The following CTNNA2 variants were observed in gnomAD, a reference collection of about 807,000 sequenced individuals.
CTNNA2 encodes catenin alpha-2.
In CTNNA2, 42 loss-of-function variants were observed where a neutral mutation model predicts 101.0. The observed-to-expected ratio is 0.42, with a 90% confidence interval of 0.32 to 0.54. The LOEUF is 0.54. Ranked by LOEUF, CTNNA2 falls within the 20% of genes least tolerant of loss-of-function variation. The pLI is 0.14. For missense variants in CTNNA2, 871 were observed against 1,223.1 expected (o/e 0.71, Z 4.29); for synonymous variants, 450 against 456.4 (o/e 0.99, Z 0.18).
At chr2:79,407,924 G>T (rs1354644618) in intron 4 of CTNNA2, among the ~76,000 whole-genome samples, 3 of 152,026 alleles carry the variant, frequency 2.0e-5, no homozygotes, top group Non-Finnish European at 4.4e-5. Context: ...CATTTGTTAT[G>T]AATCTATTTT....
chr2:80,530,291 A>G (rs940992233), intron 9 of CTNNA2, among the ~76,000 whole-genome samples: 5 of 152,200 alleles, frequency 3.3e-5, no homozygotes, highest in African/African-American at 1.2e-4. Context: ...ATTAGATTTC[A>G]GAGCTGAGCA....
At chr2:79,818,910 C>G (rs943696245) in intron 3 of CTNNA2, among the ~76,000 whole-genome samples, 2 of 143,710 alleles carry the variant, frequency 1.4e-5, no homozygotes, top group African/African-American at 2.6e-5. Context: ...CACACACACA[C>G]ACACACACAC....
intron 9 of CTNNA2, among the ~76,000 whole-genome samples, chr2:80,511,105 T>C (rs1029295939): frequency 6.6e-6 from 1 of 152,202 alleles, no homozygotes; most frequent in African/African-American, 2.4e-5. Flanking sequence ...GGGTATCCAG[T>C]CATTCTCTGG....
chr2:80,223,335 C>T (rs952054615), intron 7 of CTNNA2, among the ~76,000 whole-genome samples: 4 of 152,168 alleles, frequency 2.6e-5, no homozygotes, highest in Non-Finnish European at 5.9e-5. Context: ...TTGCTGGTGG[C>T]GCAATCTCGG....
At chr2:79,585,763 AG>A (rs1395058701) in intron 1 of CTNNA2, among the ~76,000 whole-genome samples, 6 of 148,404 alleles carry the variant, frequency 4.0e-5, no homozygotes, top group Non-Finnish European at 1.5e-5. Flanking sequence ...AACATCCCTT[AG>A]GAGCAATTTT....
chr2:79,918,029 G>A (rs1686379637), intron 7 of CTNNA2, among the ~76,000 whole-genome samples: 1 of 152,120 alleles, frequency 6.6e-6, no homozygotes, highest in Non-Finnish European at 1.5e-5. Flanking sequence ...TTATTCAAGT[G>A]GGGGACTTAG....
chr2:80,322,646 G>C (rs989894419), intron 7 of CTNNA2, among the ~76,000 whole-genome samples: 13 of 152,080 alleles, frequency 8.5e-5, no homozygotes, highest in African/African-American at 1.7e-4. Context: ...CAGCCGCCGC[G>C]TGTGTTGTCA....
At chr2:79,869,071 T>G (rs542297513) in intron 4 of CTNNA2, among the ~76,000 whole-genome samples, 1 of 152,298 alleles carries the variant, frequency 6.6e-6, no homozygotes, top group East Asian at 1.9e-4. Context: ...TTTCAAAACT[T>G]AAATTATTTA....
chr2:80,406,697 G>A (rs999804907), intron 8 of CTNNA2, among the ~76,000 whole-genome samples: 19 of 151,466 alleles, frequency 1.3e-4, no homozygotes, highest in Non-Finnish European at 2.2e-4. Flanking sequence ...TGTGGTGGCG[G>A]GCGCCTGTAG....
chr2:80,493,508 C>T (rs537791480), intron 9 of CTNNA2, among the ~76,000 whole-genome samples: 69 of 152,242 alleles, frequency 4.5e-4, no homozygotes, highest in African/African-American at 1.6e-3. Context: ...ACTTCCCAGC[C>T]AATGGGCTTG....
At chr2:79,323,456 G>T (rs1048343518) in intron 3 of CTNNA2, among the ~76,000 whole-genome samples, 1 of 148,138 alleles carries the variant, frequency 6.8e-6, no homozygotes, top group Non-Finnish European at 1.5e-5. Context: ...AGAAGATAAA[G>T]GTAAATAAGG....
rs10595115 is a variant in CTNNA2 at position 80,149,774 on chromosome 2, TCACACACACACACACACACA to T, written c.1056+240000_1056+240019del. 4.0e-3 allele frequency among the ~76,000 whole-genome samples: 567 copies of T among 143,392 alleles called. 4 individuals are homozygous for T. The highest frequency in any genetic ancestry group is 0.014 in the African/African-American group (543 of 38,624). 94.1% of individuals were successfully genotyped at this position (143,392 alleles called of 152,430 possible). On this transcript the variant is annotated intron_variant, in intron 7 of 18. Transcript: ENST00000402739. ...TCAGGGAATACTCGATTAGAATGGA[TCACACACACACACACACACA>T]CACACACACACACACACACACAGTG...
At chr2:80,529,552 C>T (rs1462367846) in intron 9 of CTNNA2, among the ~76,000 whole-genome samples, 2 of 152,152 alleles carry the variant, frequency 1.3e-5, no homozygotes, top group African/African-American at 2.4e-5. Flanking sequence ...TGTTCTCTCC[C>T]TTTCTCTAGG....
intron 7 of CTNNA2, among the ~76,000 whole-genome samples, chr2:80,279,279 A>G (rs1363783407): frequency 6.6e-6 from 1 of 151,968 alleles, no homozygotes; most frequent in African/African-American, 2.4e-5. Context: ...CTCTGGTGAT[A>G]TAATAGAGAG....
At chr2:79,325,632 C>T (rs1012233965) in intron 3 of CTNNA2, among the ~76,000 whole-genome samples, 13 of 152,194 alleles carry the variant, frequency 8.5e-5, no homozygotes, top group Admixed American at 6.5e-4. Flanking sequence ...CTGCCCAGCA[C>T]ACTCTGTGGC....
intron 2 of CTNNA2, among the ~76,000 whole-genome samples, chr2:79,717,599 A>G (rs1176445926): frequency 3.9e-5 from 6 of 152,222 alleles, no homozygotes; most frequent in Non-Finnish European, 7.3e-5. Flanking sequence ...CCATCTAAAC[A>G]GCAGTGTCTG....
intron 2 of CTNNA2, among the ~76,000 whole-genome samples, chr2:79,200,243 G>C (rs1674017221): frequency 6.6e-6 from 1 of 152,142 alleles, no homozygotes; most frequent in African/African-American, 2.4e-5. Flanking sequence ...AGTCAGCAGG[G>C]CTTGGTGGCG....
intron 1 of CTNNA2, among the ~76,000 whole-genome samples, chr2:79,531,234 A>G (rs1558703950): frequency 7.9e-6 from 1 of 125,972 alleles, no homozygotes. Context: ...ATATATATAT[A>G]TAGCTTGAGG....
chr2:80,636,702 CTATT>C lies in CTNNA2; in HGVS notation c.2575-10877_2575-10874del, dbSNP rs199645412. 4.9e-3 allele frequency among the ~76,000 whole-genome samples: 749 copies of C among 152,218 alleles called. 4 individuals carry two copies. Among genetic ancestry groups the C allele is most frequent in the African/African-American group, 0.017 (705 of 41,538 alleles). The stretch of plus-strand genomic sequence containing the variant: ...GGTCGTATAAAATATTTTATATAGA[CTATT>C]TATTTTGATGCTTCCCAAATTACAT... On this transcript the variant is annotated intron_variant, in intron 18 of 18. Coordinates refer to ENST00000402739, the MANE Select transcript of CTNNA2 (RefSeq NM_001282597.3).
Sources: gnomAD v4.1 joint callset for allele counts (sites outside exome capture counted in the v4.1 genomes callset) on GRCh38, gnomAD v4.1.1 for gene constraint, MANE v1.5 for transcripts, NCBI Gene and HGNC (gene_info 2026-07-23, HGNC 2026-07-21) for gene names.